Variants in PNPLA4 observed in about 807,000 individuals in gnomAD.
PNPLA4 encodes the protein patatin like domain 4, phospholipase and triacylglycerol lipase.
A neutral mutation model predicts 18.3 loss-of-function variants in PNPLA4; 15 were observed. The observed-to-expected ratio is 0.82, with a 90% confidence interval of 0.55 to 1.26. The LOEUF is 1.26. Among genes scored for constraint, PNPLA4 ranks in the 50% most tolerant of loss-of-function variants. The pLI is 0.00. For synonymous variants in PNPLA4, 88 were observed against 85.6 expected (o/e 1.03, Z -0.16); for missense variants, 229 against 196.8 (o/e 1.16, Z -0.98).
chrX:7,924,420 T>C (rs1924327856), intron 2 of PNPLA4, among the ~76,000 whole-genome samples: 1 of 112,208 alleles, frequency 8.9e-6, no homozygotes. Context: ...TTATTTCAGA[T>C]GCTAAAAATA....
At chrX:7,903,551 G>A (rs1192697647) in intron 5 of PNPLA4, among the ~76,000 whole-genome samples, 4 of 111,064 alleles carry the variant, frequency 3.6e-5, no homozygotes, top group African/African-American at 6.5e-5. Flanking sequence ...TGCCCGCCTC[G>A]GCCTCCCAAA....
chrX:7,900,746 C>A lies in PNPLA4; in HGVS notation c.702G>T (p.Leu234Phe), dbSNP rs139372734. Residue 234 changes from leucine to phenylalanine, a missense_variant, in exon 7 of 7, where the codon TTG becomes TTT. Leu to Phe is a conservative substitution (Grantham distance 22, BLOSUM62 0). Coordinates refer to ENST00000381042, the MANE Select transcript of PNPLA4 (RefSeq NM_004650.3). ...FPPSKRKMESLYQCGFDDTVK... is the reference protein window; with the variant it reads ...FPPSKRKMESFYQCGFDDTVK... Reference sequence around the variant, plus strand: ...CAGTGTCATCAAAACCACACTGATACAAAGATTCCATTTTCCTCTTGCTTG... The same window carrying A: ...CAGTGTCATCAAAACCACACTGATAAAAAGATTCCATTTTCCTCTTGCTTG... 1.1e-5 allele frequency: 13 copies of A among 1,194,261 alleles called. No homozygotes were observed. Among genetic ancestry groups the A allele is most frequent in the Admixed American group, 8.8e-5 (4 of 45,474 alleles).
At chrX:7,913,410 G>C (rs1569105530) in intron 4 of PNPLA4, among the ~76,000 whole-genome samples, 1 of 112,254 alleles carries the variant, frequency 8.9e-6, no homozygotes, top group Non-Finnish European at 1.9e-5. Context: ...GCTGTTGGTG[G>C]CATGTTGGTT....
intron 6 of PNPLA4, 73 bp downstream of exon 6, chrX:7,901,916 G>A (rs1256232900): frequency 1.9e-6 from 2 of 1,037,705 alleles, no homozygotes; most frequent in African/African-American, 3.7e-5. Context: ...CAGTGCTTGG[G>A]AAACACGTTG....
chrX:7,913,866 C>T (rs1193322546), intron 4 of PNPLA4, among the ~76,000 whole-genome samples: 4 of 112,426 alleles, frequency 3.6e-5, no homozygotes, highest in African/African-American at 6.5e-5. Context: ...GCTCAAAGGT[C>T]TCTCTGCTAA....
chrX:7,926,942 C>T (rs933305576), intron 1 of PNPLA4, among the ~76,000 whole-genome samples: 14 of 112,422 alleles, frequency 1.2e-4, no homozygotes, highest in African/African-American at 4.5e-4. Context: ...CATTCAGGGA[C>T]CCCAAGATGA....
At position 7,900,650 on chromosome X, in the gene PNPLA4, C is replaced by G; in HGVS notation, c.*36G>C. On this transcript the variant is annotated 3_prime_UTR_variant, in exon 7 of 7. Transcript: ENST00000381042. ...ATTAGAAACTTCCATCAAAAACTAT[C>G]TAAAACGTGTTTTGCATTATAAACT... is the stretch of plus-strand genomic sequence containing the variant. 1 of 1,016,851 alleles carries G rather than the reference C, an allele frequency of 9.8e-7. No homozygotes were observed. Among genetic ancestry groups the G allele is most frequent in the South Asian group, 2.4e-5 (1 of 42,006 alleles). 83.8% of individuals were successfully genotyped at this position (1,016,851 alleles called of 1,213,427 possible).
chrX:7,920,347 G>A (rs1357018466), intron 4 of PNPLA4, among the ~76,000 whole-genome samples: 1 of 111,460 alleles, frequency 9.0e-6, no homozygotes, highest in African/African-American at 3.3e-5. Context: ...ACTTAGCATG[G>A]GTTGCCCAGC....
chrX:7,910,576 G>A (rs776335758), intron 5 of PNPLA4, among the ~76,000 whole-genome samples: 1 of 109,793 alleles, frequency 9.1e-6, no homozygotes, highest in East Asian at 2.8e-4. Flanking sequence ...TTAGATATAT[G>A]CTAAATACTT....
chrX:7,920,897 C>T (rs756617502), intron 4 of PNPLA4, among the ~76,000 whole-genome samples: 1 of 112,787 alleles, frequency 8.9e-6, no homozygotes, highest in Non-Finnish European at 1.9e-5. Flanking sequence ...CCAGAATTAG[C>T]TCCCACTGCC....
rs59034856 is a variant in PNPLA4 at position 7,899,626 on chromosome X, C to CGAGAGAGAGAGAGAGAGAGAGAGA, written c.*1036_*1059dup. ...TAGCTAAATACTCAGAGAGGTATGG[C>CGAGAGAGAGAGAGAGAGAGAGAGA]GAGAGAGAGAGAGAGAGAGAGAGAG... is the stretch of plus-strand genomic sequence containing the variant. On this transcript the variant is annotated 3_prime_UTR_variant, in exon 7 of 7. Coordinates refer to ENST00000381042, the MANE Select transcript of PNPLA4 (RefSeq NM_004650.3). 2 of 46,571 alleles carry CGAGAGAGAGAGAGAGAGAGAGAGA rather than the reference C, an allele frequency of 4.3e-5. No individual in the cohort carries two copies. The highest frequency in any genetic ancestry group is 1.6e-4 in the African/African-American group (2 of 12,325). The allele number at this position is 46,571 out of a possible 1,213,427, so 3.8% of individuals were successfully genotyped here.
chrX:7,900,774 G>A lies in PNPLA4; in HGVS notation c.674C>T (p.Pro225Leu). 1.7e-6 allele frequency: 2 copies of A among 1,204,165 alleles called. No individual in the cohort carries two copies. The highest frequency in any genetic ancestry group is 2.2e-6 in the Non-Finnish European group (2 of 890,086). The stretch of plus-strand genomic sequence containing the variant: ...AGATTCCATTTTCCTCTTGCTTGGG[G>A]GAAAAAGGGCTTGGTTGAGTCTCAC... ...NLVRLNQALF[P>L]PSKRKMESLY... The change falls in exon 7 of 7, where the codon CCC (proline) becomes CTC (leucine). Residue 225 changes from proline (P) to leucine (L), a missense_variant. By Grantham distance (98) the Pro-to-Leu change is moderately conservative. Transcript: ENST00000381042.
chrX:7,920,365 T>C (rs759418900), intron 4 of PNPLA4, among the ~76,000 whole-genome samples: 1 of 111,906 alleles, frequency 8.9e-6, no homozygotes, highest in Non-Finnish European at 1.9e-5. Flanking sequence ...AGCTCTTCCC[T>C]TGACACTGTC....
chrX:7,921,929 G>T, intron 3 of PNPLA4, 75 bp downstream of exon 3: 1 of 1,128,025 alleles, frequency 8.9e-7, no homozygotes, highest in African/African-American at 1.8e-5. Flanking sequence ...AGAATGCTGA[G>T]CTTGCCAAAG....
At chrX:7,908,975 C>T (rs1366577769) in intron 5 of PNPLA4, among the ~76,000 whole-genome samples, 1 of 112,110 alleles carries the variant, frequency 8.9e-6, no homozygotes, top group African/African-American at 3.2e-5. Flanking sequence ...CTCATTCATG[C>T]CCTTTTAAAC....
upstream of PNPLA4, chrX:7,927,598 A>T (rs1442721003): frequency 1.8e-5 from 2 of 113,497 alleles, no homozygotes; most frequent in Non-Finnish European, 3.7e-5. Context: ...GAGTACCTAG[A>T]GAGACATTTT....
chrX:7,914,276 A>G (rs1923966882), intron 4 of PNPLA4, among the ~76,000 whole-genome samples: 1 of 111,950 alleles, frequency 8.9e-6, no homozygotes, highest in East Asian at 2.8e-4. Context: ...TTTCACAAAG[A>G]GGCAAAGCAG....
chrX:7,904,539 T>C (rs1923648233), intron 5 of PNPLA4, among the ~76,000 whole-genome samples: 1 of 112,406 alleles, frequency 8.9e-6, no homozygotes, highest in Non-Finnish European at 1.9e-5. Flanking sequence ...TCTCACGAGC[T>C]GTATCACTTA....
At chrX:7,912,765 C>G (rs1302441150) in intron 4 of PNPLA4, among the ~76,000 whole-genome samples, 1 of 112,168 alleles carries the variant, frequency 8.9e-6, no homozygotes, top group Non-Finnish European at 1.9e-5. Context: ...GTTTCCAAAT[C>G]ACTAGTGTTC....
Sources: gnomAD v4.1 joint callset for allele counts (sites outside exome capture counted in the v4.1 genomes callset) on GRCh38, gnomAD v4.1.1 for gene constraint, MANE v1.5 for transcripts, NCBI Gene and HGNC (gene_info 2026-07-23, HGNC 2026-07-21) for gene names.